Variants in MACROH2A1 observed in about 807,000 individuals in gnomAD.
MACROH2A1 encodes the protein macroH2A.1 histone.
Under a neutral mutation model 31.6 loss-of-function variants are expected in MACROH2A1, and 2 were observed. The ratio of observed to expected loss-of-function variants is 0.06; its 90% CI spans 0.03 to 0.20. The LOEUF (loss-of-function observed/expected upper bound fraction) is 0.20. Ranked by LOEUF, MACROH2A1 falls within the 10% of genes least tolerant of loss-of-function variation. MACROH2A1 has a pLI of 1.00. For synonymous variants in MACROH2A1, 169 were observed against 189.6 expected (o/e 0.89, Z 0.89); for missense variants, 230 against 474.0 (o/e 0.49, Z 4.78).
chr5:135,371,040 T>C (rs757392472), intron 2 of MACROH2A1, among the ~76,000 whole-genome samples: 1 of 152,198 alleles, frequency 6.6e-6, no homozygotes, highest in Non-Finnish European at 1.5e-5. Context: ...ATGTTAACAG[T>C]TGTTAAATCT....
At chr5:135,340,411 A>T (rs1759617707) in intron 8 of MACROH2A1, among the ~76,000 whole-genome samples, 1 of 152,174 alleles carries the variant, frequency 6.6e-6, no homozygotes, top group South Asian at 2.1e-4. Context: ...TTATAAATCT[A>T]AGGAAAGTTT....
At chr5:135,392,932 G>A (rs1767445076) in intron 1 of MACROH2A1, among the ~76,000 whole-genome samples, 1 of 152,220 alleles carries the variant, frequency 6.6e-6, no homozygotes, top group Non-Finnish European at 1.5e-5. Flanking sequence ...GTAAGGGCCT[G>A]ATACTCACTC....
intron 1 of MACROH2A1, among the ~76,000 whole-genome samples, chr5:135,396,652 T>G (rs182787738): frequency 7.2e-5 from 11 of 152,194 alleles, no homozygotes; most frequent in Non-Finnish European, 1.2e-4. Context: ...GCTAGGTTAC[T>G]GTACCTGCTG....
chr5:135,371,869 C>G (rs559872812), intron 2 of MACROH2A1, among the ~76,000 whole-genome samples: 5 of 152,232 alleles, frequency 3.3e-5, no homozygotes, highest in African/African-American at 1.2e-4. Context: ...TATGAAATAA[C>G]TAGGAAGAAA....
At chr5:135,347,734 A>C (rs1440235193) in intron 6 of MACROH2A1, 2 of 152,268 alleles carry the variant, frequency 1.3e-5, no homozygotes, top group Non-Finnish European at 2.9e-5. Flanking sequence ...GCAGCTGAGA[A>C]AAAGGAATCT....
At chr5:135,343,831 G>T in intron 7 of MACROH2A1, 1 of 252,592 alleles carries the variant, frequency 4.0e-6, no homozygotes, top group Non-Finnish European at 7.8e-6. Flanking sequence ...CAAGTCGACT[G>T]GTGTGCTAAT....
intron 4 of MACROH2A1, among the ~76,000 whole-genome samples, chr5:135,368,615 A>G (rs1763810862): frequency 6.6e-6 from 1 of 152,236 alleles, no homozygotes; most frequent in South Asian, 2.1e-4. Flanking sequence ...GGCACTGTCC[A>G]TTGTTTGTTG....
chr5:135,351,001 G>T, intron 6 of MACROH2A1: 2 of 873,424 alleles, frequency 2.3e-6, no homozygotes, highest in Non-Finnish European at 1.9e-6. Flanking sequence ...GGCAGGGCTG[G>T]CCTACCTGGT....
rs1017226819 is a variant in MACROH2A1 at position 135,347,437 on chromosome 5, C to T, written c.689-1380G>A. On this transcript the variant is annotated intron_variant, in intron 6 of 8. Transcript: ENST00000511689. Reference sequence around the variant, plus strand: ...CAGCTGTGTCCGAGAGAGGGTGGCACAAACTTAGCATCCTTGAGGTGGGAT... The same window carrying T: ...CAGCTGTGTCCGAGAGAGGGTGGCATAAACTTAGCATCCTTGAGGTGGGAT... 3 of 152,348 alleles carry T rather than the reference C, an allele frequency of 2.0e-5. No homozygotes were observed. The East Asian group carries it at 5.8e-4, about 29-fold the overall frequency. 9.4% of individuals were successfully genotyped at this position (152,348 alleles called of 1,614,324 possible). A position where few individuals can be genotyped will look rare whatever the true frequency, so the allele number is the denominator to read the frequency against.
chr5:135,351,002 C>A, intron 6 of MACROH2A1: 2 of 846,452 alleles, frequency 2.4e-6, no homozygotes, highest in South Asian at 1.5e-5. Flanking sequence ...GCAGGGCTGG[C>A]CTACCTGGTC....
At chr5:135,345,833 G>T in intron 7 of MACROH2A1, 135 bp downstream of exon 7, 1 of 646,098 alleles carries the variant, frequency 1.5e-6, no homozygotes, top group Non-Finnish European at 2.9e-6. Flanking sequence ...TAAAGCTACA[G>T]GCTGTCCTTG....
intron 2 of MACROH2A1, among the ~76,000 whole-genome samples, chr5:135,374,297 C>T (rs1764570056): frequency 6.6e-6 from 1 of 152,214 alleles, no homozygotes; most frequent in African/African-American, 2.4e-5. Flanking sequence ...ATCTGCTCTC[C>T]AGGGCATGTT....
intron 2 of MACROH2A1, among the ~76,000 whole-genome samples, chr5:135,373,257 C>CT (rs926861278): frequency 9.9e-5 from 15 of 151,516 alleles, no homozygotes; most frequent in Admixed American, 8.5e-4. Context: ...GCTGCCTTCA[C>CT]TTTTTTTTTG....
At chr5:135,346,257 T>C (rs1760821324) in intron 6 of MACROH2A1, 200 bp from the exon 7 acceptor site, 1 of 577,400 alleles carries the variant, frequency 1.7e-6, no homozygotes, top group African/African-American at 1.9e-5. Context: ...CTCAAATTGC[T>C]GCTTCATCTG....
intron 8 of MACROH2A1, among the ~76,000 whole-genome samples, chr5:135,336,038 C>T (rs1260948190): frequency 1.3e-5 from 2 of 152,184 alleles, no homozygotes; most frequent in Non-Finnish European, 2.9e-5. Context: ...TGGGTAGGCT[C>T]TTTGTTCATT....
chr5:135,337,714 A>AG (rs1759011422), intron 8 of MACROH2A1, among the ~76,000 whole-genome samples: 1 of 152,244 alleles, frequency 6.6e-6, no homozygotes, highest in African/African-American at 2.4e-5. Context: ...GGGTGGACCC[A>AG]GATGTTGAGG....
intron 8 of MACROH2A1, among the ~76,000 whole-genome samples, chr5:135,336,896 T>C (rs575234109): frequency 3.5e-4 from 54 of 152,308 alleles, no homozygotes; most frequent in Admixed American, 2.2e-3. Flanking sequence ...GGGGCATCTT[T>C]CCAGCAGCTC....
chr5:135,386,336 T>C (rs926732155), intron 2 of MACROH2A1, among the ~76,000 whole-genome samples: 1 of 152,206 alleles, frequency 6.6e-6, no homozygotes, highest in African/African-American at 2.4e-5. Flanking sequence ...CTAAGGTCAA[T>C]TGGGCCTGGT....
At chr5:135,378,782 G>A (rs949702771) in intron 2 of MACROH2A1, among the ~76,000 whole-genome samples, 1 of 152,168 alleles carries the variant, frequency 6.6e-6, no homozygotes, top group Non-Finnish European at 1.5e-5. Flanking sequence ...CACAGTAACT[G>A]TTCAACATAC....
Sources: allele counts gnomAD v4.1 joint callset (sites outside exome capture counted in the v4.1 genomes callset), GRCh38; gene constraint gnomAD v4.1.1; transcripts MANE v1.5; gene names NCBI Gene and HGNC (gene_info 2026-07-23, HGNC 2026-07-21).